IL17RB: variants seen among roughly 807,000 people sequenced by gnomAD.
IL17RB encodes interleukin 17 receptor B.
IL17RB carries 36 observed loss-of-function variants against 43.9 expected under a neutral mutation model. The observed-to-expected ratio is 0.82, with a 90% CI of 0.63 to 1.08. IL17RB has a LOEUF of 1.08. IL17RB is among the 50% of genes least tolerant of loss of function. IL17RB has a pLI of 0.00. For synonymous variants in IL17RB, 225 were observed against 225.4 expected (o/e 1.00, Z 0.02); for missense variants, 613 against 613.6 (o/e 1.00, Z 0.01).
chr3:53,849,734 T>A lies in IL17RB; in HGVS notation c.165T>A (p.Thr55=). ...ACCTCCGAGTAGAACCTGTTACAAC[T>A]AGTGTTGCAACAGGGGACTATTCAA... ...LRDLRVEPVT[T]SVATGDYSIL... is the part of the protein sequence containing the mutation. Residue 55 remains threonine, a synonymous_variant, in exon 3 of 11, where the codon ACT becomes ACA. Coordinates refer to ENST00000288167, the MANE Select transcript of IL17RB (RefSeq NM_018725.4). 6.2e-7 allele frequency: 1 copy of A among 1,611,726 alleles called. No individual in the cohort carries two copies. The highest frequency in any genetic ancestry group is 1.1e-5 in the South Asian group (1 of 90,804).
At chr3:53,854,533 G>A (rs926772873) in intron 5 of IL17RB, among the ~76,000 whole-genome samples, 2 of 152,194 alleles carry the variant, frequency 1.3e-5, no homozygotes, top group African/African-American at 4.8e-5. Flanking sequence ...GTGTGGGTTT[G>A]TCTGATGTTT....
At chr3:53,848,078 C>T (rs577907629) in intron 1 of IL17RB, among the ~76,000 whole-genome samples, 2 of 152,290 alleles carry the variant, frequency 1.3e-5, no homozygotes, top group East Asian at 3.9e-4. Flanking sequence ...TGAAAAAACA[C>T]GAGCAGCTAA....
At chr3:53,858,655 A>C in intron 8 of IL17RB, 64 bp from the exon 9 acceptor site, 1 of 1,584,884 alleles carries the variant, frequency 6.3e-7, no homozygotes, top group Non-Finnish European at 8.6e-7. Context: ...CTGAAGTAGG[A>C]GTCTTGGTGA....
At position 53,846,649 on chromosome 3, in the gene IL17RB, G is replaced by T; in HGVS notation, c.60+1G>T. ...CAGGAGCGCCGTACCCCGAGAGCCGGTAAGCCCCCGCCAGCACCTCTTCCC... is the reference window on the plus strand; with the variant it reads ...CAGGAGCGCCGTACCCCGAGAGCCGTTAAGCCCCCGCCAGCACCTCTTCCC... On this transcript the variant is annotated splice_donor_variant, in intron 1 of 10. Coordinates refer to ENST00000288167, the MANE Select transcript of IL17RB (RefSeq NM_018725.4). LOFTEE classifies it high-confidence loss of function. 1 of 1,590,048 alleles carries T rather than the reference G, an allele frequency of 6.3e-7. No individual in the cohort carries two copies. The highest frequency in any genetic ancestry group is 8.5e-7 in the Non-Finnish European group (1 of 1,171,362).
chr3:53,848,328 T>C (rs1699010102), intron 1 of IL17RB, among the ~76,000 whole-genome samples: 1 of 152,254 alleles, frequency 6.6e-6, no homozygotes, highest in Non-Finnish European at 1.5e-5. Context: ...CATTAGAGTG[T>C]GAAGGGGCCT....
chr3:53,849,926 C>A (rs990621107), intron 3 of IL17RB, 131 bp downstream of exon 3: 3 of 787,978 alleles, frequency 3.8e-6, no homozygotes, highest in Non-Finnish European at 5.7e-6. Context: ...CCAAAAGCCA[C>A]ATACTAGGGT....
chr3:53,855,456 A>C, intron 6 of IL17RB, 115 bp downstream of exon 6: 1 of 679,832 alleles, frequency 1.5e-6, no homozygotes, highest in Non-Finnish European at 2.5e-6. Context: ...TTGAATATCC[A>C]AGCACCCCCG....
intron 4 of IL17RB, 146 bp from the exon 5 acceptor site, chr3:53,852,725 C>T: frequency 1.6e-6 from 1 of 642,536 alleles, no homozygotes. Context: ...TTGTTTAGTG[C>T]CCATTCCCTA....
chr3:53,850,780 G>C (rs1699111495), intron 3 of IL17RB, among the ~76,000 whole-genome samples: 1 of 151,434 alleles, frequency 6.6e-6, no homozygotes, highest in South Asian at 2.1e-4. Flanking sequence ...ACTCCTGCCT[G>C]GGTGACAGAG....
chr3:53,847,702 G>T (rs1008131412), intron 1 of IL17RB, among the ~76,000 whole-genome samples: 8 of 152,084 alleles, frequency 5.3e-5, no homozygotes, highest in Non-Finnish European at 1.0e-4. Flanking sequence ...GCTGAGGCAG[G>T]AGAATCACTT....
intron 8 of IL17RB, 135 bp downstream of exon 8, chr3:53,857,825 G>A (rs1304575557): frequency 3.8e-6 from 3 of 788,406 alleles, no homozygotes; most frequent in African/African-American, 3.4e-5. Context: ...CGTTCATGGG[G>A]GCTCTTTCGC....
intron 10 of IL17RB, chr3:53,861,490 A>G (rs1174694138): frequency 2.0e-5 from 3 of 152,234 alleles, no homozygotes; most frequent in Non-Finnish European, 4.4e-5. Flanking sequence ...CATTTTGCAG[A>G]ATACCTTTTA....
At position 53,864,797 on chromosome 3, in the gene IL17RB, A is replaced by G; in HGVS notation, c.998A>G (p.Lys333Arg). 6.2e-7 allele frequency: 1 copy of G among 1,613,962 alleles called. No individual in the cohort carries two copies. Among genetic ancestry groups the G allele is most frequent in the South Asian group, 1.1e-5 (1 of 91,078 alleles). ...ACCACCACACTACTGCCCCCCATTA[A>G]GGTTCTTGTGGTTTACCCATCTGAA... ...FSTTTLLPPI[K>R]VLVVYPSEIC... is the part of the protein sequence containing the mutation. The change falls in exon 11 of 11, where the codon AAG becomes AGG. Residue 333 changes from lysine (K) to arginine (R), a missense_variant. Lys to Arg is a conservative substitution (Grantham distance 26, BLOSUM62 2). Coordinates refer to ENST00000288167, the MANE Select transcript of IL17RB (RefSeq NM_018725.4).
At position 53,848,973 on chromosome 3, in the gene IL17RB, G is replaced by A. The variant is rs546318611; in HGVS notation, c.85+285G>A. 2.0e-5 allele frequency among the ~76,000 whole-genome samples: 3 copies of A among 152,362 alleles called. No homozygotes were observed. In the South Asian group the frequency reaches 6.2e-4, roughly 32 times the overall value. ...CACTCTGCAGAGGGAGATCAAGGCC[G>A]TGGAAGGAAGGTCACTTAGAGTTGG... On this transcript the variant is annotated intron_variant, in intron 2 of 10. Transcript: ENST00000288167.
chr3:53,865,483 T>C lies in IL17RB; in HGVS notation c.*175T>C, dbSNP rs1393611440. ...TAACTAATGTAGCATTAACTAACGA[T>C]TGGAAACTACATTTACAACTTCAAA... is the stretch of plus-strand genomic sequence containing the variant. On this transcript the variant is annotated 3_prime_UTR_variant, in exon 11 of 11. Transcript: ENST00000288167. The C allele has an allele frequency of 1.7e-5, 9 of 542,420 alleles. No homozygotes were observed. Among genetic ancestry groups the C allele is most frequent in the East Asian group, 1.2e-4 (4 of 34,422 alleles). 33.6% of individuals were successfully genotyped at this position (542,420 alleles called of 1,614,324 possible). A position where few individuals can be genotyped will look rare whatever the true frequency, so the allele number is the denominator to read the frequency against.
At chr3:53,850,499 C>CA (rs57986255) in intron 3 of IL17RB, among the ~76,000 whole-genome samples, 2,700 of 81,728 alleles carry the variant, frequency 0.033, 110 homozygotes, top group Admixed American at 0.15. Context: ...AACTCCGTCT[C>CA]AAAAAAAAAA....
intron 5 of IL17RB, 77 bp from the exon 6 acceptor site, chr3:53,855,217 T>C: frequency 1.1e-6 from 1 of 874,806 alleles, no homozygotes; most frequent in Non-Finnish European, 1.9e-6. Flanking sequence ...TATGCGTATG[T>C]GTGTGTGCAC....
Position 53,850,993 on chromosome 3 carries a change from ATAAGG to A in IL17RB, c.227-1000_227-996del, listed in dbSNP as rs571312315. On this transcript the variant is annotated intron_variant, in intron 3 of 10. Transcript: ENST00000288167. ...CTGTGTATGTACTTCATGGAAGAAGATAAGGTAAGGCGAGAGATGATTTTCCCCAC... is the reference window on the plus strand; with the variant it reads ...CTGTGTATGTACTTCATGGAAGAAGATAAGGCGAGAGATGATTTTCCCCAC... Among the ~76,000 whole-genome samples, 9 of 152,304 alleles carry A rather than the reference ATAAGG, an allele frequency of 5.9e-5. No homozygotes were observed. In the South Asian group the frequency reaches 1.9e-3, roughly 32 times the overall value.
Position 53,852,989 on chromosome 3 carries a change from C to G in IL17RB, c.473C>G (p.Thr158Ser), listed in dbSNP as rs747989269. Residue 158 changes from threonine (T) to serine (S), a missense_variant, in exon 5 of 11, where the codon ACC (threonine) becomes AGC (serine). Thr to Ser is a moderately conservative substitution (Grantham distance 58). Transcript: ENST00000288167. ...EDGPSMSVNF[T>S]SPGCLDHIMK... The stretch of plus-strand genomic sequence containing the variant: ...GGCCCTTCCATGTCTGTGAATTTCA[C>G]CTCACCAGGTAAACTTCCTCATTTG... The G allele has an allele frequency of 1.2e-6, 2 of 1,614,010 alleles. No homozygotes were observed. Among genetic ancestry groups the G allele is most frequent in the East Asian group, 2.2e-5 (1 of 44,878 alleles).
Sources: allele counts gnomAD v4.1 joint callset (sites outside exome capture counted in the v4.1 genomes callset), GRCh38; gene constraint gnomAD v4.1.1; transcripts MANE v1.5; gene names NCBI Gene and HGNC (gene_info 2026-07-23, HGNC 2026-07-21).